Variants in MYCBP2 observed in about 807,000 individuals in gnomAD.
MYCBP2 encodes E3 ubiquitin-protein ligase MYCBP2.
In MYCBP2, 120 loss-of-function variants were observed where a neutral mutation model predicts 525.3. That is an observed-to-expected ratio of 0.23 (90% CI 0.20 to 0.27). MYCBP2 has a LOEUF of 0.27. MYCBP2 is among the 10% of genes least tolerant of loss of function. The probability of loss-of-function intolerance (pLI) is 1.00; values close to 1 mark genes in which losing one functional copy is unlikely to be tolerated. For synonymous variants in MYCBP2, 1,894 were observed against 1,955.8 expected (o/e 0.97, Z 0.83); for missense variants, 4,149 against 5,657.1 (o/e 0.73, Z 8.55).
intron 27 of MYCBP2, 108 bp downstream of exon 27, chr13:77,194,045 A>T: frequency 1.6e-6 from 1 of 608,508 alleles, no homozygotes; most frequent in Non-Finnish European, 2.8e-6. Context: ...AGTATTTGAT[A>T]TTCATAGCAG....
rs182408539 is a variant in MYCBP2 at position 77,210,286 on chromosome 13, A to G, written c.3416+881T>C. ...CGGCTCACTGCAAATTCCGCCTCCC[A>G]GGTTCACGCCATTCTCCTGCCTCAG... On this transcript the variant is annotated intron_variant, in intron 23 of 82. Transcript: ENST00000544440. 1.0e-3 allele frequency among the ~76,000 whole-genome samples: 150 copies of G among 147,174 alleles called. 1 individual carries two copies. Among genetic ancestry groups the G allele is most frequent in the Admixed American group, 2.4e-3 (34 of 14,422 alleles).
chr13:77,253,153 A>T (rs1202842102), intron 14 of MYCBP2, among the ~76,000 whole-genome samples: 1 of 152,012 alleles, frequency 6.6e-6, no homozygotes, highest in Non-Finnish European at 1.5e-5. Context: ...AAAAGCTCCT[A>T]CAAATCAATT....
chr13:77,167,711 T>C (rs1328184157), intron 40 of MYCBP2, among the ~76,000 whole-genome samples: 2 of 152,232 alleles, frequency 1.3e-5, no homozygotes, highest in Admixed American at 6.5e-5. Flanking sequence ...ATAAATATCA[T>C]AAATGTGCTT....
At chr13:77,185,079 T>A in intron 32 of MYCBP2, 24 bp downstream of exon 32, 4 of 1,602,748 alleles carry the variant, frequency 2.5e-6, no homozygotes, top group Non-Finnish European at 2.6e-6. Flanking sequence ...GATTTTCAAC[T>A]AACATTTTAC....
intron 46 of MYCBP2, among the ~76,000 whole-genome samples, chr13:77,154,327 G>A (rs1386687936): frequency 6.6e-6 from 1 of 150,784 alleles, no homozygotes. Context: ...GATAGTAGGA[G>A]AAGCAAATAT....
chr13:77,052,116 C>T (rs2036943476), intron 80 of MYCBP2, among the ~76,000 whole-genome samples, 198 bp from the exon 81 acceptor site: 1 of 151,982 alleles, frequency 6.6e-6, no homozygotes, highest in Non-Finnish European at 1.5e-5. Context: ...AGAAATAAAG[C>T]TATTTCTTCT....
rs201986498 is a variant in MYCBP2, at chr13:77,176,458, T to C, written c.5472+39A>G. The C allele has an allele frequency of 1.3e-3, 1,904 of 1,510,380 alleles. 2 individuals are homozygous for C. The highest frequency in any genetic ancestry group is 1.4e-3 in the Non-Finnish European group (1,510 of 1,116,946). The allele number at this position is 1,510,380 out of a possible 1,614,324, so 93.6% of individuals were successfully genotyped here. ...CTTCACTATTTTAACTACATAATAA[T>C]ACCTCTTATTCACAATAGAAACATT... On this transcript the variant is annotated intron_variant, in intron 36 of 82. Coordinates refer to ENST00000544440, the MANE Select transcript of MYCBP2 (RefSeq NM_015057.5).
Position 77,144,577 on chromosome 13 carries a change from T to C in MYCBP2, c.7188-17A>G, listed in dbSNP as rs751219664. 5.8e-6 allele frequency: 9 copies of C among 1,543,816 alleles called. No homozygotes were observed. The highest frequency in any genetic ancestry group is 3.4e-5 in the South Asian group (3 of 89,378). ...TCACTGGGTCTGAAAAGAAATAAGA[T>C]GGATATTGGAAATTTTACTTTTGGT... On this transcript the variant is annotated splice_polypyrimidine_tract_variant and intron_variant, in intron 48 of 82. Transcript: ENST00000544440.
intron 38 of MYCBP2, among the ~76,000 whole-genome samples, 159 bp downstream of exon 38, chr13:77,171,333 A>C (rs915555715): frequency 2.0e-5 from 3 of 152,260 alleles, no homozygotes; most frequent in African/African-American, 7.2e-5. Context: ...TACAGTATGG[A>C]GAGTGTGACC....
At chr13:77,055,000 A>T (rs1261960183) in intron 80 of MYCBP2, among the ~76,000 whole-genome samples, 2 of 152,100 alleles carry the variant, frequency 1.3e-5, no homozygotes, top group Non-Finnish European at 2.9e-5. Flanking sequence ...AAATCTCAAA[A>T]ATTTTGGGGG....
chr13:77,186,117 C>T (rs1340660445), intron 30 of MYCBP2, 54 bp from the exon 31 acceptor site: 33 of 1,301,818 alleles, frequency 2.5e-5, no homozygotes, highest in East Asian at 1.5e-4. Flanking sequence ...ATACCATAAA[C>T]GGAATCAAAT....
intron 21 of MYCBP2, among the ~76,000 whole-genome samples, chr13:77,214,501 G>C (rs1413250831): frequency 6.6e-6 from 1 of 152,062 alleles, no homozygotes; most frequent in Non-Finnish European, 1.5e-5. Flanking sequence ...ATTTCTAGGA[G>C]AGATGCTGAA....
intron 55 of MYCBP2, chr13:77,099,421 T>A (rs963826578): frequency 1.0e-5 from 2 of 196,244 alleles, no homozygotes; most frequent in African/African-American, 4.8e-5. Context: ...GAGCTAAATT[T>A]CCAGCAGAGT....
At chr13:77,070,559 C>A in intron 69 of MYCBP2, 72 bp downstream of exon 69, 1 of 1,126,250 alleles carries the variant, frequency 8.9e-7, no homozygotes, top group Non-Finnish European at 1.3e-6. Flanking sequence ...AACAAACAAA[C>A]AGACAAACAA....
chr13:77,249,757 A>G (rs887442801), intron 15 of MYCBP2, among the ~76,000 whole-genome samples: 2 of 152,162 alleles, frequency 1.3e-5, no homozygotes, highest in Admixed American at 6.5e-5. Flanking sequence ...CAATTCCAAC[A>G]TTGTTAAAAA....
intron 68 of MYCBP2, among the ~76,000 whole-genome samples, chr13:77,071,798 T>G (rs1356819864): frequency 1.3e-5 from 2 of 152,146 alleles, no homozygotes; most frequent in Admixed American, 1.3e-4. Flanking sequence ...ACGTGGACAT[T>G]CACTAAAACA....
intron 29 of MYCBP2, among the ~76,000 whole-genome samples, chr13:77,189,266 G>A (rs982589761): frequency 1.3e-5 from 2 of 152,096 alleles, no homozygotes; most frequent in East Asian, 1.9e-4. Flanking sequence ...GCAAGACCGA[G>A]TAGTAGAGGC....
In MYCBP2 at chr13:77,235,540, T is replaced by G. The variant is rs571682949; in HGVS notation, c.2630-2277A>C. On this transcript the variant is annotated intron_variant, in intron 17 of 82. Coordinates refer to ENST00000544440, the MANE Select transcript of MYCBP2 (RefSeq NM_015057.5). ...TGCAAAAAAACAGATAATTAAAACC[T>G]TTTTATACCACAAAACTTCATTCTA... is the stretch of plus-strand genomic sequence containing the variant. 9.7e-4 allele frequency among the ~76,000 whole-genome samples: 148 copies of G among 152,218 alleles called. No homozygotes were observed. In the Middle Eastern group the frequency reaches 0.017, roughly 17 times the overall value.
At chr13:77,067,909 G>GT in intron 70 of MYCBP2, 45 bp from the exon 71 acceptor site, 1 of 1,519,094 alleles carries the variant, frequency 6.6e-7, no homozygotes. Flanking sequence ...AAAGACTAAT[G>GT]TTTTAAGGTT....
Sources: gnomAD v4.1 joint callset for allele counts (sites outside exome capture counted in the v4.1 genomes callset) on GRCh38, gnomAD v4.1.1 for gene constraint, MANE v1.5 for transcripts, NCBI Gene and HGNC (gene_info 2026-07-23, HGNC 2026-07-21) for gene names.